The following CEACAM6 variants were observed in gnomAD, a reference collection of about 807,000 sequenced individuals.
CEACAM6 encodes the protein CEA cell adhesion molecule 6, also known as cell adhesion molecule CEACAM6.
CEACAM6 carries 21 observed loss-of-function variants against 32.4 expected under a neutral mutation model. That is an observed-to-expected ratio of 0.65 (90% confidence interval 0.46 to 0.93). The LOEUF (loss-of-function observed/expected upper bound fraction) is 0.93. Among genes scored for constraint, CEACAM6 ranks in the 40% least tolerant of loss-of-function variants. CEACAM6 has a pLI of 0.00. For missense variants in CEACAM6, 406 were observed against 432.2 expected, an observed-to-expected ratio of 0.94 and a Z score of 0.54; for synonymous variants, 184 against 174.4, an observed-to-expected ratio of 1.06 and a Z score of -0.43.
Position 41,755,612 on chromosome 19 carries a change from A to T in CEACAM6, c.-27A>T, listed in dbSNP as rs781916208. ...CTGGAGCTCAAGCTCCTCTACAAAG[A>T]GGTGGACAGAGAAGACAGCAGAGAC... On this transcript the variant is annotated 5_prime_UTR_variant, in exon 1 of 6. Transcript: ENST00000199764. 6.2e-7 allele frequency: 1 copy of T among 1,610,594 alleles called. No homozygotes were observed. Among genetic ancestry groups the T allele is most frequent in the East Asian group, 2.2e-5 (1 of 44,580 alleles).
chr19:41,760,857 A>G (rs965240655), intron 2 of CEACAM6, among the ~76,000 whole-genome samples: 5 of 152,120 alleles, frequency 3.3e-5, no homozygotes, highest in African/African-American at 7.2e-5. Flanking sequence ...AAATACAGCT[A>G]GGGGGGCAAA....
chr19:41,758,514 C>T lies in CEACAM6; in HGVS notation c.424+1555C>T, dbSNP rs573635387. Among the ~76,000 whole-genome samples, 12 of 152,242 alleles carry T rather than the reference C, an allele frequency of 7.9e-5. No homozygotes were observed. The South Asian group carries it at 1.9e-3, about 24-fold the overall frequency. ...CTGAACCCCTGTCCCTAAACCTACC[C>T]CATCTCATGTGACTCTGGGGTTCCT... is the stretch of plus-strand genomic sequence containing the variant. On this transcript the variant is annotated intron_variant, in intron 2 of 5. Coordinates refer to ENST00000199764, the MANE Select transcript of CEACAM6 (RefSeq NM_002483.7).
At chr19:41,759,419 A>G (rs560492481) in intron 2 of CEACAM6, among the ~76,000 whole-genome samples, 1 of 152,330 alleles carries the variant, frequency 6.6e-6, no homozygotes, top group South Asian at 2.1e-4. Flanking sequence ...CACAGGAATT[A>G]GGGGCAGGGA....
intron 5 of CEACAM6, among the ~76,000 whole-genome samples, chr19:41,768,409 T>G (rs1240247769): frequency 6.6e-5 from 10 of 152,184 alleles, no homozygotes; most frequent in Admixed American, 1.3e-4. Context: ...AGAGCACAAG[T>G]TTGGGGGTAA....
chr19:41,762,707 C>G (rs1555822045), intron 4 of CEACAM6, among the ~76,000 whole-genome samples: 1 of 152,194 alleles, frequency 6.6e-6, no homozygotes, highest in African/African-American at 2.4e-5. Context: ...AGCTCAGACT[C>G]TGCCCCCATC....
In CEACAM6 at chr19:41,762,182, C is replaced by T. The variant is rs782013956; in HGVS notation, c.917C>T (p.Thr306Ile). ...SYMCQAHNSA[T>I]GLNRTTVTMI... ...ATGTGCCAAGCCCATAACTCAGCCA[C>T]TGGCCTCAATAGGACCACAGTCACG... Residue 306 changes from threonine (T) to isoleucine (I), a missense_variant, in exon 4 of 6, where the codon ACT becomes ATT. Physicochemically the swap from Thr to Ile is moderately conservative, Grantham distance 89. Coordinates refer to ENST00000199764, the MANE Select transcript of CEACAM6 (RefSeq NM_002483.7). 1.2e-6 allele frequency: 2 copies of T among 1,614,184 alleles called. No individual in the cohort carries two copies. Among genetic ancestry groups the T allele is most frequent in the East Asian group, 2.2e-5 (1 of 44,884 alleles).
chr19:41,770,893 C>CTATA lies in CEACAM6; in HGVS notation c.*134_*137dup, dbSNP rs1428083445. 4 of 152,912 alleles carry CTATA rather than the reference C, an allele frequency of 2.6e-5. No individual in the cohort carries two copies. The highest frequency in any genetic ancestry group is 6.5e-5 in the Admixed American group (1 of 15,290). 9.5% of individuals were successfully genotyped at this position (152,912 alleles called of 1,614,324 possible). On this transcript the variant is annotated 3_prime_UTR_variant, in exon 6 of 6. Coordinates refer to ENST00000199764, the MANE Select transcript of CEACAM6 (RefSeq NM_002483.7). ...CAAGGTCTGCTCTGCTCCTGAAGCC[C>CTATA]TATATGCTGGAGATGGACAACTCAA...
intron 5 of CEACAM6, among the ~76,000 whole-genome samples, chr19:41,766,928 C>T (rs976963398): frequency 6.6e-6 from 1 of 150,502 alleles, no homozygotes; most frequent in African/African-American, 2.5e-5. Flanking sequence ...ATGGCGTGAA[C>T]CTGGGAGGTG....
intron 5 of CEACAM6, among the ~76,000 whole-genome samples, chr19:41,769,027 C>T (rs1555822696): frequency 6.6e-6 from 1 of 152,134 alleles, no homozygotes; most frequent in East Asian, 1.9e-4. Flanking sequence ...CTCACCGCAA[C>T]CTCTGCCTCC....
intron 2 of CEACAM6, chr19:41,758,182 C>G (rs1322210027): frequency 3.9e-5 from 6 of 152,328 alleles, no homozygotes; most frequent in Non-Finnish European, 5.9e-5. Context: ...CCAGGCCTCT[C>G]CCTTCGATCC....
chr19:41,761,263 C>T lies in CEACAM6; in HGVS notation c.439C>T (p.Pro147Ser). The part of the protein sequence containing the change: ...QFHVYPELPK[P>S]SISSNNSNPV... ...TTTCTGCACAGCGGAGCTGCCCAAG[C>T]CCTCCATCTCCAGCAACAACTCCAA... is the stretch of plus-strand genomic sequence containing the variant. The change falls in exon 3 of 6, where the codon CCC becomes TCC. Residue 147 changes from proline to serine, a missense_variant. Pro to Ser is a moderately conservative substitution (Grantham distance 74). Coordinates refer to ENST00000199764, the MANE Select transcript of CEACAM6 (RefSeq NM_002483.7). The T allele has an allele frequency of 6.2e-7, 1 of 1,614,190 alleles. No individual in the cohort carries two copies. Among genetic ancestry groups the T allele is most frequent in the Non-Finnish European group, 8.5e-7 (1 of 1,180,034 alleles).
intron 4 of CEACAM6, among the ~76,000 whole-genome samples, chr19:41,762,474 C>T (rs1407948670): frequency 6.6e-6 from 1 of 151,962 alleles, no homozygotes; most frequent in African/African-American, 2.4e-5. Context: ...GAGGGGGCTC[C>T]CTCAGCACTG....
At chr19:41,759,669 A>G (rs1422270149) in intron 2 of CEACAM6, among the ~76,000 whole-genome samples, 1 of 152,234 alleles carries the variant, frequency 6.6e-6, no homozygotes, top group Non-Finnish European at 1.5e-5. Context: ...TATGTTATCA[A>G]GAAAAATACT....
Position 41,766,216 on chromosome 19 carries a change from T to A in CEACAM6, c.992T>A (p.Val331Asp). ...CCTGTCCTCTCAGCTGTGGCCACCG[T>A]CGGCATCACGATTGGAGTGCTGGCC... ...SAPVLSAVATVGITIGVLARV... is the reference protein window; with the variant it reads ...SAPVLSAVATDGITIGVLARV... The change falls in exon 5 of 6, where the codon GTC becomes GAC. Residue 331 changes from valine (V) to aspartate (D), a missense_variant. By Grantham distance (152) the Val-to-Asp change is radical. Coordinates refer to ENST00000199764, the MANE Select transcript of CEACAM6 (RefSeq NM_002483.7). 6.2e-7 allele frequency: 1 copy of A among 1,608,240 alleles called. No individual in the cohort carries two copies. Among genetic ancestry groups the A allele is most frequent in the Non-Finnish European group, 8.5e-7 (1 of 1,177,784 alleles).
At chr19:41,768,931 TG>T (rs1156499950) in intron 5 of CEACAM6, among the ~76,000 whole-genome samples, 1 of 152,032 alleles carries the variant, frequency 6.6e-6, no homozygotes, top group African/African-American at 2.4e-5. Context: ...TTTTGTTTGG[TG>T]GGGGGGTTGT....
At chr19:41,770,238 C>T (rs575398749) in intron 5 of CEACAM6, among the ~76,000 whole-genome samples, 53 of 140,512 alleles carry the variant, frequency 3.8e-4, no homozygotes, top group Admixed American at 3.6e-4. Flanking sequence ...GGCAAAACCT[C>T]GTCTCTGCTA....
intron 2 of CEACAM6, among the ~76,000 whole-genome samples, chr19:41,760,526 CG>C (rs1311085296): frequency 6.6e-5 from 10 of 152,212 alleles, no homozygotes; most frequent in African/African-American, 2.4e-4. Context: ...AAAAGGAACA[CG>C]GTTCTGCTGG....
rs1555822931 is a variant in CEACAM6, at chr19:41,770,961, A to C, written c.*200A>C. The C allele has an allele frequency of 6.6e-6, 1 of 152,306 alleles. No individual in the cohort carries two copies. The highest frequency in any genetic ancestry group is 1.9e-4 in the East Asian group (1 of 5,190). The allele number at this position is 152,306 out of a possible 1,614,324, so 9.4% of individuals were successfully genotyped here. ...AACCCTCAGGCCTGAGGTGTGTGCC[A>C]CTCAGAGACTTCACCTAACTAGAGA... On this transcript the variant is annotated 3_prime_UTR_variant, in exon 6 of 6. Coordinates refer to ENST00000199764, the MANE Select transcript of CEACAM6 (RefSeq NM_002483.7).
At chr19:41,769,124 T>G (rs892634411) in intron 5 of CEACAM6, among the ~76,000 whole-genome samples, 4 of 152,062 alleles carry the variant, frequency 2.6e-5, no homozygotes, top group African/African-American at 9.7e-5. Flanking sequence ...TTTGTATTTT[T>G]AGTAGAGACG....
Sources: gnomAD v4.1 joint callset for allele counts (sites outside exome capture counted in the v4.1 genomes callset) on GRCh38, gnomAD v4.1.1 for gene constraint, MANE v1.5 for transcripts, NCBI Gene and HGNC (gene_info 2026-07-23, HGNC 2026-07-21) for gene names.